ALPL: variants seen among roughly 807,000 people sequenced by gnomAD.
The protein encoded by ALPL is alkaline phosphatase, biomineralization associated, also known as alkaline phosphatase, tissue-nonspecific isozyme.
Under a neutral mutation model 51.3 loss-of-function variants are expected in ALPL, and 42 were observed. The ratio of observed to expected loss-of-function variants is 0.82; its 90% CI spans 0.64 to 1.06. The LOEUF is 1.06. Among genes scored for constraint, ALPL ranks in the 50% least tolerant of loss-of-function variants. ALPL has a pLI of 0.00. For synonymous variants in ALPL, 279 were observed against 296.4 expected (o/e 0.94, Z 0.60); for missense variants, 589 against 709.4 (o/e 0.83, Z 1.93).
At chr1:21,554,235 C>CA in intron 2 of ALPL, 93 bp downstream of exon 2, 1 of 1,318,120 alleles carries the variant, frequency 7.6e-7, no homozygotes, top group South Asian at 1.2e-5. Flanking sequence ...CAGAACCATC[C>CA]AAAGTATTTA....
chr1:21,575,472 C>T (rs996344860), intron 9 of ALPL, among the ~76,000 whole-genome samples: 4 of 152,180 alleles, frequency 2.6e-5, no homozygotes, highest in African/African-American at 7.2e-5. Flanking sequence ...GCTTCCCGGC[C>T]TGGTGAATTT....
intron 1 of ALPL, among the ~76,000 whole-genome samples, chr1:21,524,625 G>A (rs540846012): frequency 6.6e-6 from 1 of 152,262 alleles, no homozygotes; most frequent in Non-Finnish European, 1.5e-5. Context: ...TCCAGAGTCC[G>A]GTCTCACTTA....
chr1:21,558,517 C>T (rs1558546082), intron 2 of ALPL, among the ~76,000 whole-genome samples: 1 of 152,218 alleles, frequency 6.6e-6, no homozygotes, highest in Non-Finnish European at 1.5e-5. Flanking sequence ...CTCATGTCAT[C>T]CTAGAACTGC....
At chr1:21,542,617 G>A (rs568697526) in intron 1 of ALPL, among the ~76,000 whole-genome samples, 7 of 152,296 alleles carry the variant, frequency 4.6e-5, no homozygotes, top group South Asian at 4.1e-4. Context: ...CGAGGCGGGC[G>A]GATCACGTGA....
intron 1 of ALPL, among the ~76,000 whole-genome samples, chr1:21,516,364 C>T (rs1435350101): frequency 6.6e-6 from 1 of 152,188 alleles, no homozygotes; most frequent in African/African-American, 2.4e-5. Context: ...TATAGCTCCT[C>T]TTCTTTCTCT....
chr1:21,527,095 C>A (rs1187328595), intron 1 of ALPL, among the ~76,000 whole-genome samples: 1 of 141,868 alleles, frequency 7.0e-6, no homozygotes, highest in Non-Finnish European at 1.6e-5. Context: ...TGCAATGGTG[C>A]GATCTCAGCT....
intron 1 of ALPL, among the ~76,000 whole-genome samples, chr1:21,517,315 A>G (rs1047882551): frequency 4.6e-5 from 7 of 152,256 alleles, no homozygotes; most frequent in Non-Finnish European, 8.8e-5. Flanking sequence ...GCAAACAAGG[A>G]AACGGAAGCT....
chr1:21,573,549 CTACCCCAAG>C (rs1037331142), intron 8 of ALPL, 107 bp from the exon 9 acceptor site: 1 of 1,336,196 alleles, frequency 7.5e-7, no homozygotes, highest in African/African-American at 1.5e-5. Context: ...CCACCATACT[CTACCCCAAG>C]CTGGCTGTGG....
At chr1:21,509,320 G>C (rs1448347238), upstream of ALPL, 1 of 146,596 alleles carries the variant, frequency 6.8e-6, no homozygotes. The surrounding 1 kb of genome is among the most constrained non-coding windows in gnomAD (Gnocchi z 6.0). Flanking sequence ...CCGGGGCCGG[G>C]CTGGGGAGGG....
chr1:21,551,016 T>C (rs910751451), intron 1 of ALPL, among the ~76,000 whole-genome samples: 2 of 152,120 alleles, frequency 1.3e-5, no homozygotes, highest in African/African-American at 4.8e-5. Context: ...AGGGTACAGG[T>C]AGGATGATCA....
chr1:21,558,304 A>C (rs1644439418), intron 2 of ALPL, among the ~76,000 whole-genome samples: 2 of 152,190 alleles, frequency 1.3e-5, no homozygotes, highest in Admixed American at 6.5e-5. Flanking sequence ...GGGACCTCCA[A>C]GCTGTTAAGT....
chr1:21,554,647 C>T (rs898527986), intron 2 of ALPL, among the ~76,000 whole-genome samples: 6 of 151,322 alleles, frequency 4.0e-5, no homozygotes, highest in South Asian at 4.2e-4. Flanking sequence ...CCCGCCACCG[C>T]GCCAGGCTAA....
chr1:21,528,618 G>A (rs1047613145), intron 1 of ALPL, among the ~76,000 whole-genome samples: 1 of 151,644 alleles, frequency 6.6e-6, no homozygotes, highest in African/African-American at 2.4e-5. Context: ...CCAAAATGCT[G>A]GGATTACAGA....
rs1408044973 is a variant in ALPL at position 21,554,110 on chromosome 1, T to C, written c.29T>C (p.Ile10Thr). ...ATTTCACCATTCTTAGTACTGGCCA[T>C]TGGCACCTGCCTTACTAACTCCTTA... MISPFLVLA[I>T]GTCLTNSLVP... is the part of the protein sequence containing the mutation. Residue 10 changes from isoleucine to threonine, a missense_variant, in exon 2 of 12, where the codon ATT (isoleucine) becomes ACT (threonine). Ile to Thr is a moderately conservative substitution (Grantham distance 89). Coordinates refer to ENST00000374840, the MANE Select transcript of ALPL (RefSeq NM_000478.6). 1.9e-6 allele frequency: 3 copies of C among 1,545,136 alleles called. No individual in the cohort carries two copies. In the East Asian group the frequency reaches 7.7e-5, roughly 39 times the overall value.
chr1:21,554,788 CCTGTCTGT>C (rs369690542), intron 2 of ALPL, among the ~76,000 whole-genome samples: 1,941 of 114,582 alleles, frequency 0.017, 66 homozygotes, highest in African/African-American at 0.044. Flanking sequence ...CCGCGCCTGG[CCTGTCTGT>C]CTGTCTGTCT....
At chr1:21,521,359 ATTT>A (rs993705657) in intron 1 of ALPL, among the ~76,000 whole-genome samples, 1 of 152,030 alleles carries the variant, frequency 6.6e-6, no homozygotes, top group Non-Finnish European at 1.5e-5. Flanking sequence ...TAATTTTTGT[ATTT>A]TTAGGAGAGA....
At chr1:21,526,188 G>A (rs1360778778) in intron 1 of ALPL, among the ~76,000 whole-genome samples, 1 of 152,096 alleles carries the variant, frequency 6.6e-6, no homozygotes, top group Non-Finnish European at 1.5e-5. Flanking sequence ...CTCCCAGGCT[G>A]GAGTGCCATA....
At position 21,557,773 on chromosome 1, in the gene ALPL, G is replaced by A. The variant is rs115466351; in HGVS notation, c.62-2853G>A. Among the ~76,000 whole-genome samples the A allele has an allele frequency of 9.1e-3, 1,383 of 152,146 alleles. 23 individuals carry two copies. The highest frequency in any genetic ancestry group is 0.031 in the African/African-American group (1,287 of 41,512). ...AATTAGATATAACTTACAGAAAAGG[G>A]CACCGATCTTAAATACATAGCCTGA... On this transcript the variant is annotated intron_variant, in intron 2 of 11. Transcript: ENST00000374840.
chr1:21,557,473 C>T (rs1356912412), intron 2 of ALPL, among the ~76,000 whole-genome samples: 4 of 152,190 alleles, frequency 2.6e-5, no homozygotes, highest in East Asian at 1.9e-4. Context: ...CACTCTGGGA[C>T]GGGGTCCCTG....
Sources: allele counts gnomAD v4.1 joint callset (sites outside exome capture counted in the v4.1 genomes callset), GRCh38; gene constraint gnomAD v4.1.1; non-coding constraint Gnocchi (gnomAD v3.1); transcripts MANE v1.5; gene names NCBI Gene and HGNC (gene_info 2026-07-23, HGNC 2026-07-21).